The following SHANK2 variants were observed in gnomAD, a reference collection of about 807,000 sequenced individuals.
SHANK2 encodes SH3 and multiple ankyrin repeat domains protein 2.
Under a neutral mutation model 133.7 loss-of-function variants are expected in SHANK2, and 43 were observed. That is an observed-to-expected ratio of 0.32 (90% CI 0.25 to 0.41). The LOEUF (loss-of-function observed/expected upper bound fraction) is 0.41. Among genes scored for constraint, SHANK2 ranks in the 10% least tolerant of loss-of-function variants. The pLI, the probability that SHANK2 is intolerant of heterozygous loss-of-function variation, is 1.00. For missense variants in SHANK2, 1,994 were observed against 2,235.8 expected, an observed-to-expected ratio of 0.89 and a Z score of 2.18; for synonymous variants, 1,017 against 952.8, an observed-to-expected ratio of 1.07 and a Z score of -1.24.
At chr11:70,531,901 AAACCTTCCCGG>A (rs1357247797) in intron 17 of SHANK2, among the ~76,000 whole-genome samples, 1 of 152,110 alleles carries the variant, frequency 6.6e-6, no homozygotes. Flanking sequence ...TGTCTCTGCC[AAACCTTCCCGG>A]AGCTGACAGT....
At chr11:70,522,654 C>T (rs533956141) in intron 17 of SHANK2, among the ~76,000 whole-genome samples, 4 of 152,244 alleles carry the variant, frequency 2.6e-5, no homozygotes, top group South Asian at 2.1e-4. Context: ...TCCAGCTCCG[C>T]GGGCTGGCCG....
Position 71,059,026 on chromosome 11 carries a change from C to T in SHANK2, c.1030-2468G>A, listed in dbSNP as rs902155076. Among the ~76,000 whole-genome samples, 1,347 of 150,934 alleles carry T rather than the reference C, an allele frequency of 8.9e-3. 17 individuals are homozygous for T. The highest frequency in any genetic ancestry group is 0.029 in the African/African-American group (1,172 of 40,358). On this transcript the variant is annotated intron_variant, in intron 9 of 25. Transcript: ENST00000601538. ...GGTCAGGAGTTCAAGACCAGCCTGG[C>T]AACAACATGGTGAAACCTTGTCTCT...
intron 17 of SHANK2, among the ~76,000 whole-genome samples, chr11:70,509,877 T>C (rs1244078820): frequency 2.6e-5 from 4 of 152,262 alleles, no homozygotes; most frequent in Non-Finnish European, 5.9e-5. Context: ...CTTGGACTTC[T>C]GGTCTCCCGA....
chr11:71,162,654 T>A (rs1423054865), intron 2 of SHANK2, among the ~76,000 whole-genome samples: 1 of 152,232 alleles, frequency 6.6e-6, no homozygotes, highest in East Asian at 1.9e-4. Flanking sequence ...AACACTTTCA[T>A]ACATGAATTA....
intron 9 of SHANK2, among the ~76,000 whole-genome samples, chr11:71,072,324 A>G (rs1427959414): frequency 1.3e-5 from 2 of 151,178 alleles, no homozygotes; most frequent in African/African-American, 4.9e-5. Context: ...CCCCTGCTTC[A>G]CCTCCCCGTG....
intron 11 of SHANK2, among the ~76,000 whole-genome samples, chr11:70,842,171 G>A (rs1309291953): frequency 6.6e-6 from 1 of 152,160 alleles, no homozygotes; most frequent in Non-Finnish European, 1.5e-5. Flanking sequence ...TTACTTCCAA[G>A]TATATGAAAT....
chr11:70,500,670 C>G lies in SHANK2; in HGVS notation c.2288-80G>C. On this transcript the variant is annotated intron_variant, in intron 20 of 25. Coordinates refer to ENST00000601538, the MANE Select transcript of SHANK2 (RefSeq NM_012309.5). The surrounding 1 kb of genome is among the most constrained non-coding windows in gnomAD (Gnocchi z 4.5). Reference sequence around the variant, plus strand: ...AGCCTACACTCGGGCCTTGTCAGCTCAGGGCGCCTCAGGAGCAGGCTGGGC... The same window carrying G: ...AGCCTACACTCGGGCCTTGTCAGCTGAGGGCGCCTCAGGAGCAGGCTGGGC... 6.4e-7 allele frequency: 1 copy of G among 1,550,456 alleles called. No homozygotes were observed. Among genetic ancestry groups the G allele is most frequent in the Non-Finnish European group, 8.7e-7 (1 of 1,143,778 alleles).
intron 14 of SHANK2, among the ~76,000 whole-genome samples, chr11:70,794,022 T>C (rs538346637): frequency 1.3e-5 from 2 of 152,340 alleles, no homozygotes; most frequent in African/African-American, 4.8e-5. Context: ...GGATCATGCC[T>C]GTAATCCCAG....
chr11:70,887,207 T>C (rs1949761237), intron 11 of SHANK2, among the ~76,000 whole-genome samples: 1 of 152,230 alleles, frequency 6.6e-6, no homozygotes, highest in Non-Finnish European at 1.5e-5. Flanking sequence ...GTCCAGGCTC[T>C]ATGGCAAAGC....
chr11:70,926,531 C>A (rs1590840668), intron 10 of SHANK2, among the ~76,000 whole-genome samples: 1 of 152,206 alleles, frequency 6.6e-6, no homozygotes, highest in Non-Finnish European at 1.5e-5. Context: ...CATGAGCACA[C>A]CACAGCCTTC....
At chr11:70,806,012 G>T (rs1365669707) in intron 13 of SHANK2, among the ~76,000 whole-genome samples, 1 of 152,258 alleles carries the variant, frequency 6.6e-6, no homozygotes, top group East Asian at 1.9e-4. Context: ...TTAGAATGTT[G>T]CAGTAACCCA....
intron 9 of SHANK2, among the ~76,000 whole-genome samples, chr11:71,060,946 A>C (rs1950979784): frequency 2.0e-5 from 3 of 152,246 alleles, no homozygotes. Context: ...TATTGCCATA[A>C]ATATATGTTG....
chr11:70,716,458 C>T (rs562818573), intron 14 of SHANK2, among the ~76,000 whole-genome samples: 42 of 152,280 alleles, frequency 2.8e-4, no homozygotes, highest in African/African-American at 5.1e-4. Context: ...TCAAGGAAAC[C>T]GCCCTGATCG....
chr11:70,595,716 G>A (rs538795424), intron 17 of SHANK2, among the ~76,000 whole-genome samples: 14 of 152,192 alleles, frequency 9.2e-5, no homozygotes, highest in Non-Finnish European at 1.0e-4. Context: ...AGGCCCCACC[G>A]CCCCGGGTAG....
At chr11:70,627,703 T>C (rs485125) in intron 17 of SHANK2, among the ~76,000 whole-genome samples, 95,326 of 152,106 alleles carry the variant, frequency 0.63, 30,295 homozygotes, top group Middle Eastern at 0.72. Context: ...TCACGTATGC[T>C]TTATACACAT....
chr11:70,490,151 G>C, intron 23 of SHANK2, 125 bp downstream of exon 23: 1 of 776,030 alleles, frequency 1.3e-6, no homozygotes. Flanking sequence ...TGGGCTGGCA[G>C]GGCCTTGCTG....
intron 17 of SHANK2, among the ~76,000 whole-genome samples, chr11:70,518,036 A>C (rs1287616612): frequency 6.6e-6 from 1 of 152,216 alleles, no homozygotes; most frequent in Non-Finnish European, 1.5e-5. Context: ...CTACTAATTA[A>C]AAAGAGGCTC....
rs1946468492 is a variant in SHANK2, at chr11:70,739,079, C to T, written c.1778-40316G>A. On this transcript the variant is annotated intron_variant, in intron 14 of 25. Coordinates refer to ENST00000601538, the MANE Select transcript of SHANK2 (RefSeq NM_012309.5). This position sits in a 1 kb window ranked among gnomAD's most constrained non-coding sequence, Gnocchi z 4.3. ...GATGCTGCATATCCCACCATCTGGC[C>T]CCATTGTCTGGGGACAGGACACACT... Among the ~76,000 whole-genome samples, 1 of 152,180 alleles carries T rather than the reference C, an allele frequency of 6.6e-6. No homozygotes were observed. Among genetic ancestry groups the T allele is most frequent in the Non-Finnish European group, 1.5e-5 (1 of 68,030 alleles).
chr11:70,515,090 G>T lies in SHANK2; in HGVS notation c.2062-12159C>A, dbSNP rs2059248120. On this transcript the variant is annotated intron_variant, in intron 17 of 25. Transcript: ENST00000601538. The stretch of plus-strand genomic sequence containing the variant: ...GGGTCTTGCTCTGTCGCCCAGGCTG[G>T]AGTGCAGTGGTGTGATCGTGACTCA... Among the ~76,000 whole-genome samples the T allele has an allele frequency of 2.0e-5, 3 of 152,202 alleles. No homozygotes were observed. The South Asian group carries it at 6.2e-4, about 32-fold the overall frequency.
Sources: gnomAD v4.1 joint callset for allele counts (sites outside exome capture counted in the v4.1 genomes callset) on GRCh38, gnomAD v4.1.1 for gene constraint, Gnocchi (gnomAD v3.1) non-coding constraint, MANE v1.5 for transcripts, NCBI Gene and HGNC (gene_info 2026-07-23, HGNC 2026-07-21) for gene names.